SNRPA1: variants seen among roughly 807,000 people sequenced by gnomAD.
SNRPA1 encodes the protein U2 small nuclear ribonucleoprotein A'.
In SNRPA1, 5 loss-of-function variants were observed where a neutral mutation model predicts 32.3. The observed-to-expected ratio is 0.15, with a 90% CI of 0.08 to 0.33. The LOEUF is 0.33. SNRPA1 is among the 10% of genes least tolerant of loss of function. The pLI is 1.00. For missense variants in SNRPA1, 198 were observed against 311.1 expected, an observed-to-expected ratio of 0.64 and a Z score of 2.74; for synonymous variants, 111 against 120.1, an observed-to-expected ratio of 0.92 and a Z score of 0.50.
intron 3 of SNRPA1, among the ~76,000 whole-genome samples, chr15:101,290,488 C>G (rs191782251): frequency 6.6e-6 from 1 of 152,216 alleles, no homozygotes; most frequent in Admixed American, 6.5e-5. Flanking sequence ...TGCTATGGAC[C>G]TTGTCCACAA....
intron 8 of SNRPA1, among the ~76,000 whole-genome samples, chr15:101,282,085 T>C (rs1434833203): frequency 6.6e-6 from 1 of 152,248 alleles, no homozygotes. Context: ...CATGTGCTTT[T>C]CATGGCACTA....
intron 3 of SNRPA1, among the ~76,000 whole-genome samples, chr15:101,290,633 A>G (rs538170918): frequency 1.3e-5 from 2 of 151,670 alleles, no homozygotes; most frequent in African/African-American, 4.8e-5. Context: ...GTACAGAGAC[A>G]TGATCATGTC....
intron 1 of SNRPA1, among the ~76,000 whole-genome samples, chr15:101,294,249 C>T (rs1401930477): frequency 1.3e-5 from 2 of 152,196 alleles, no homozygotes; most frequent in African/African-American, 2.4e-5. Context: ...CACAACACAA[C>T]ACAAAACAGT....
intron 2 of SNRPA1, 75 bp from the exon 3 acceptor site, chr15:101,292,115 G>A (rs1407627106): frequency 1.0e-6 from 1 of 985,372 alleles, no homozygotes; most frequent in African/African-American, 1.6e-5. Context: ...CTTGCTCAGA[G>A]GATCACAGAG....
intron 3 of SNRPA1, 49 bp downstream of exon 3, chr15:101,291,913 G>T: frequency 8.5e-7 from 1 of 1,183,108 alleles, no homozygotes. Context: ...GAAGCACATA[G>T]TACCTTTAAC....
At position 101,291,712 on chromosome 15, in the gene SNRPA1, G is replaced by C. The variant is rs184670000; in HGVS notation, c.309+250C>G. On this transcript the variant is annotated intron_variant, in intron 3 of 8. Coordinates refer to ENST00000254193, the MANE Select transcript of SNRPA1 (RefSeq NM_003090.4). ...TCAAAAGGGCTACAATAAAGAAGAA[G>C]ATTGATTCATTGGACTGCACCTAAA... is the stretch of plus-strand genomic sequence containing the variant. Among the ~76,000 whole-genome samples the C allele has an allele frequency of 2.5e-3, 378 of 152,216 alleles. 3 individuals are homozygous for C. Among genetic ancestry groups the C allele is most frequent in the African/African-American group, 7.6e-3 (317 of 41,510 alleles).
chr15:101,287,241 T>G (rs534367482), intron 4 of SNRPA1, among the ~76,000 whole-genome samples: 2 of 152,366 alleles, frequency 1.3e-5, no homozygotes, highest in East Asian at 3.9e-4. Flanking sequence ...ACTTGCAGGT[T>G]TGTTACATAT....
At chr15:101,284,859 G>A (rs28415096) in intron 8 of SNRPA1, 108 bp downstream of exon 8, 3 of 802,502 alleles carry the variant, frequency 3.7e-6, no homozygotes, top group African/African-American at 1.7e-5. Flanking sequence ...TAGATTTGAT[G>A]TAAGGAGGCA....
At chr15:101,287,737 A>G (rs1339586306) in intron 3 of SNRPA1, 35 bp from the exon 4 acceptor site, 1 of 1,591,092 alleles carries the variant, frequency 6.3e-7, no homozygotes, top group South Asian at 1.1e-5. Flanking sequence ...GAACGCGAAT[A>G]CCACACGCTA....
chr15:101,292,660 A>G (rs1470994129), intron 2 of SNRPA1, among the ~76,000 whole-genome samples: 1 of 152,050 alleles, frequency 6.6e-6, no homozygotes, highest in Non-Finnish European at 1.5e-5. Flanking sequence ...TTTTACTATG[A>G]CCCCTTTGAT....
At chr15:101,290,212 C>T (rs917715530) in intron 3 of SNRPA1, among the ~76,000 whole-genome samples, 1 of 152,124 alleles carries the variant, frequency 6.6e-6, no homozygotes, top group East Asian at 1.9e-4. Context: ...AAACTAAAAT[C>T]GACAGAACTT....
intron 4 of SNRPA1, among the ~76,000 whole-genome samples, chr15:101,287,243 G>T (rs1007477051): frequency 5.3e-5 from 8 of 152,042 alleles, no homozygotes; most frequent in Non-Finnish European, 1.2e-4. Flanking sequence ...TTGCAGGTTT[G>T]TTACATATGT....
intron 3 of SNRPA1, among the ~76,000 whole-genome samples, chr15:101,289,360 T>G (rs2039493992): frequency 6.6e-6 from 1 of 152,226 alleles, no homozygotes; most frequent in Non-Finnish European, 1.5e-5. Flanking sequence ...ATCTTAACAT[T>G]TAATTTTAAA....
At chr15:101,294,669 T>C (rs1027871372) in intron 1 of SNRPA1, among the ~76,000 whole-genome samples, 14 of 152,194 alleles carry the variant, frequency 9.2e-5, no homozygotes, top group African/African-American at 3.4e-4. Flanking sequence ...TCCCTCACAT[T>C]AGGAATAATG....
chr15:101,291,352 G>T (rs1224964089), intron 3 of SNRPA1, among the ~76,000 whole-genome samples: 4 of 152,190 alleles, frequency 2.6e-5, no homozygotes, highest in African/African-American at 9.7e-5. Context: ...AAGGTTTCTA[G>T]ACTGGAACTG....
At chr15:101,283,871 C>T (rs944552248) in intron 8 of SNRPA1, among the ~76,000 whole-genome samples, 14 of 152,278 alleles carry the variant, frequency 9.2e-5, no homozygotes, top group Admixed American at 7.8e-4. Flanking sequence ...ACCCGGGAGG[C>T]GGAGGTTGGC....
At chr15:101,292,095 T>G in intron 2 of SNRPA1, 55 bp from the exon 3 acceptor site, 1 of 1,155,630 alleles carries the variant, frequency 8.7e-7, no homozygotes. Context: ...CTAACAATTT[T>G]ATCTACCTCC....
intron 2 of SNRPA1, 49 bp from the exon 3 acceptor site, chr15:101,292,089 C>G (rs2039532462): frequency 8.2e-7 from 1 of 1,219,658 alleles, no homozygotes; most frequent in East Asian, 2.3e-5. Context: ...AATAAGCTAA[C>G]AATTTTATCT....
At chr15:101,286,401 G>A (rs911347932) in intron 5 of SNRPA1, 108 bp from the exon 6 acceptor site, 3 of 904,164 alleles carry the variant, frequency 3.3e-6, no homozygotes, top group Admixed American at 6.2e-5. Context: ...CTCCGGGCTG[G>A]TGAAAATACC....
Sources: gnomAD v4.1 joint callset for allele counts (sites outside exome capture counted in the v4.1 genomes callset) on GRCh38, gnomAD v4.1.1 for gene constraint, MANE v1.5 for transcripts, NCBI Gene and HGNC (gene_info 2026-07-23, HGNC 2026-07-21) for gene names.